Variants in QTMAN observed in about 807,000 individuals in gnomAD.
QTMAN encodes queuosine-tRNA mannosyltransferase.
chr2:143,988,200 C>T, the QTMAN span, among the ~76,000 whole-genome samples: 1 of 152,276 alleles, frequency 6.6e-6, no homozygotes, highest in African/African-American at 2.4e-5. Flanking sequence ...TTTCCAAGCC[C>T]TTGGGTGAGA....
At chr2:144,320,297 G>T in the QTMAN span, among the ~76,000 whole-genome samples, 4 of 152,162 alleles carry the variant, frequency 2.6e-5, no homozygotes, top group Non-Finnish European at 5.9e-5. Flanking sequence ...CTTCCAAGGA[G>T]AAGTTTGCAA....
At chr2:144,133,253 A>ATT in the QTMAN span, among the ~76,000 whole-genome samples, 3 of 34,632 alleles carry the variant, frequency 8.7e-5, no homozygotes, top group East Asian at 7.0e-4. Flanking sequence ...ATAAATATAT[A>ATT]TAAATATATA....
At chr2:144,000,139 T>A in the QTMAN span, among the ~76,000 whole-genome samples, 1 of 152,204 alleles carries the variant, frequency 6.6e-6, no homozygotes, top group East Asian at 1.9e-4. Flanking sequence ...TTTCTTAGTA[T>A]CTATTTTCTT....
chr2:144,064,512 C>T, the QTMAN span, among the ~76,000 whole-genome samples: 1 of 152,156 alleles, frequency 6.6e-6, no homozygotes, highest in Non-Finnish European at 1.5e-5. Context: ...GCTCTGCCTG[C>T]CGTTTCTCTT....
the QTMAN span, among the ~76,000 whole-genome samples, chr2:143,994,858 A>G: frequency 3.3e-5 from 5 of 152,212 alleles, no homozygotes; most frequent in Non-Finnish European, 5.9e-5. Context: ...GCTGAATTGT[A>G]TATTTAAAGT....
the QTMAN span, among the ~76,000 whole-genome samples, chr2:144,268,190 T>C: frequency 1.7e-4 from 26 of 152,250 alleles, no homozygotes; most frequent in Non-Finnish European, 2.4e-4. Context: ...AACAGCCTAA[T>C]GGTTTCCTCC....
chr2:144,278,190 G>A, the QTMAN span, among the ~76,000 whole-genome samples: 109 of 152,256 alleles, frequency 7.2e-4, 1 homozygote, highest in African/African-American at 2.5e-3. Flanking sequence ...GTTCTAGCAG[G>A]AGTTGCATCT....
the QTMAN span, among the ~76,000 whole-genome samples, chr2:144,265,187 G>T: frequency 6.6e-6 from 1 of 152,164 alleles, no homozygotes. Flanking sequence ...CCCACTCCCA[G>T]TGGGCTCAGC....
At chr2:144,117,277 T>C in the QTMAN span, among the ~76,000 whole-genome samples, 17 of 152,290 alleles carry the variant, frequency 1.1e-4, no homozygotes, top group African/African-American at 4.1e-4. Flanking sequence ...ACACAGCTCA[T>C]ATCCTCTCCT....
the QTMAN span, among the ~76,000 whole-genome samples, chr2:144,060,817 TA>T: frequency 6.6e-6 from 1 of 152,230 alleles, no homozygotes; most frequent in East Asian, 1.9e-4. Context: ...TCCAAGCATG[TA>T]AACAGAAATT....
At chr2:144,102,755 T>C in the QTMAN span, among the ~76,000 whole-genome samples, 1 of 152,236 alleles carries the variant, frequency 6.6e-6, no homozygotes, top group East Asian at 1.9e-4. Flanking sequence ...AAGAGCTATA[T>C]TCATCTTGTA....
chr2:143,967,708 G>C, the QTMAN span, among the ~76,000 whole-genome samples: 1 of 152,098 alleles, frequency 6.6e-6, no homozygotes, highest in Non-Finnish European at 1.5e-5. Flanking sequence ...TTGTGGAAGC[G>C]CTAGATAAGA....
the QTMAN span, among the ~76,000 whole-genome samples, chr2:144,017,889 TC>T: frequency 2.0e-5 from 3 of 152,194 alleles, no homozygotes; most frequent in Non-Finnish European, 2.9e-5. Flanking sequence ...GACATATTTT[TC>T]TTATTAGTTC....
chr2:144,086,794 T>A, the QTMAN span, among the ~76,000 whole-genome samples: 14 of 152,318 alleles, frequency 9.2e-5, no homozygotes, highest in African/African-American at 3.4e-4. Flanking sequence ...GTGGGAACAG[T>A]CATTCAAATG....
chr2:144,285,831 A>C, the QTMAN span, among the ~76,000 whole-genome samples: 1 of 152,212 alleles, frequency 6.6e-6, no homozygotes, highest in Non-Finnish European at 1.5e-5. Flanking sequence ...AGGTAAAATG[A>C]TGTAGCCAAC....
chr2:144,129,663 C>T, the QTMAN span, among the ~76,000 whole-genome samples: 1 of 152,124 alleles, frequency 6.6e-6, no homozygotes, highest in African/African-American at 2.4e-5. Context: ...CTGTACTGAT[C>T]AATCCACTTA....
chr2:143,984,295 C>T, the QTMAN span, among the ~76,000 whole-genome samples: 1 of 152,172 alleles, frequency 6.6e-6, no homozygotes, highest in Admixed American at 6.5e-5. Context: ...AACCCTAAAT[C>T]ACACAAGAGG....
the QTMAN span, among the ~76,000 whole-genome samples, chr2:144,163,300 A>T: frequency 6.6e-6 from 1 of 151,940 alleles, no homozygotes; most frequent in Non-Finnish European, 1.5e-5. Flanking sequence ...TTTAAAAAAT[A>T]AAAAATATTA....
At chr2:144,004,395 A>C in the QTMAN span, among the ~76,000 whole-genome samples, 1 of 152,004 alleles carries the variant, frequency 6.6e-6, no homozygotes, top group Non-Finnish European at 1.5e-5. Flanking sequence ...GTAGCTGGGG[A>C]TGTTTGATGA....
Sources: gnomAD v4.1 joint callset for allele counts (sites outside exome capture counted in the v4.1 genomes callset) on GRCh38, gnomAD v4.1.1 for gene constraint, MANE v1.5 for transcripts, NCBI Gene and HGNC (gene_info 2026-07-23, HGNC 2026-07-21) for gene names.